The following VKORC1L1 variants were observed in gnomAD, a reference collection of about 807,000 sequenced individuals.
VKORC1L1 encodes the protein vitamin K epoxide reductase complex subunit 1L1, also known as vitamin K epoxide reductase complex subunit 1-like protein 1.
VKORC1L1 carries 2 observed loss-of-function variants against 18.9 expected under a neutral mutation model. The ratio of observed to expected loss-of-function variants is 0.11; its 90% CI spans 0.04 to 0.33. VKORC1L1 has a LOEUF of 0.33. Ranked by LOEUF, VKORC1L1 falls within the 10% of genes least tolerant of loss-of-function variation. VKORC1L1 has a pLI of 1.00. For missense variants in VKORC1L1, 123 were observed against 224.1 expected, an observed-to-expected ratio of 0.55 and a Z score of 2.88; for synonymous variants, 96 against 100.0, an observed-to-expected ratio of 0.96 and a Z score of 0.24.
At chr7:65,933,661 T>C (rs1341055135) in intron 1 of VKORC1L1, among the ~76,000 whole-genome samples, 2 of 152,234 alleles carry the variant, frequency 1.3e-5, no homozygotes, top group Non-Finnish European at 1.5e-5. Context: ...ATGTCTTTTA[T>C]TGGTATATTC....
rs1007950491 is a variant in VKORC1L1, at chr7:65,873,320, G to A, written c.-52G>A. On this transcript the variant is annotated 5_prime_UTR_variant, in exon 1 of 3. Coordinates refer to ENST00000360768, the MANE Select transcript of VKORC1L1 (RefSeq NM_173517.6). Reference sequence around the variant, plus strand: ...GCGGCTGGGTCGGGCCCCGACGGGCGGCGGCGGCTGAGGTGGAGGCGGAGG... The same window carrying A: ...GCGGCTGGGTCGGGCCCCGACGGGCAGCGGCGGCTGAGGTGGAGGCGGAGG... 30 of 1,335,410 alleles carry A rather than the reference G, an allele frequency of 2.2e-5. No homozygotes were observed. The highest frequency in any genetic ancestry group is 2.8e-5 in the Non-Finnish European group (29 of 1,031,422). The allele number at this position is 1,335,410 out of a possible 1,614,324, so 82.7% of individuals were successfully genotyped here. A position where few individuals can be genotyped will look rare whatever the true frequency, so the allele number is the denominator to read the frequency against.
At chr7:65,916,789 G>A (rs1789596612) in intron 1 of VKORC1L1, among the ~76,000 whole-genome samples, 1 of 151,924 alleles carries the variant, frequency 6.6e-6, no homozygotes, top group Admixed American at 6.6e-5. Context: ...GTAGAAACGG[G>A]GTTTCTCCAT....
At chr7:65,917,653 C>T (rs960671425) in intron 1 of VKORC1L1, among the ~76,000 whole-genome samples, 2 of 152,088 alleles carry the variant, frequency 1.3e-5, no homozygotes, top group Admixed American at 6.6e-5. Flanking sequence ...CAGATTCTAC[C>T]ATTAACATTT....
chr7:65,883,584 C>T (rs904221170), intron 1 of VKORC1L1, among the ~76,000 whole-genome samples: 3 of 152,178 alleles, frequency 2.0e-5, no homozygotes, highest in Admixed American at 1.3e-4. Context: ...ACTGCAACCT[C>T]TGCCTTCCAG....
At chr7:65,949,740 C>T (rs1290672206) in intron 2 of VKORC1L1, among the ~76,000 whole-genome samples, 3 of 152,118 alleles carry the variant, frequency 2.0e-5, no homozygotes, top group African/African-American at 7.2e-5. Context: ...GCCGAGATCA[C>T]ACCACTGCAC....
intron 1 of VKORC1L1, 31 bp from the exon 2 acceptor site, chr7:65,948,640 T>TA: frequency 1.3e-6 from 1 of 777,238 alleles, no homozygotes; most frequent in Non-Finnish European, 2.0e-6. Context: ...GAAATTCAAA[T>TA]ATAGGGTTAC....
At chr7:65,907,361 C>G (rs1039609916) in intron 1 of VKORC1L1, among the ~76,000 whole-genome samples, 1 of 152,064 alleles carries the variant, frequency 6.6e-6, no homozygotes, top group African/African-American at 2.4e-5. Flanking sequence ...CGCTTAGAAC[C>G]CGGGAGTCGG....
intron 1 of VKORC1L1, among the ~76,000 whole-genome samples, chr7:65,948,096 C>T (rs1790152468): frequency 6.6e-6 from 1 of 152,186 alleles, no homozygotes; most frequent in South Asian, 2.1e-4. Context: ...AATAGCACAA[C>T]TTACATTCTA....
chr7:65,958,087 C>G lies in VKORC1L1; in HGVS notation c.*3787C>G, dbSNP rs1790329307. ...GCAATTTCTGTCCTCGTGTCTTTTT[C>G]TCTAACACACAGTCATGGGTGAAAC... is the stretch of plus-strand genomic sequence containing the variant. On this transcript the variant is annotated 3_prime_UTR_variant, in exon 3 of 3. Coordinates refer to ENST00000360768, the MANE Select transcript of VKORC1L1 (RefSeq NM_173517.6). The G allele has an allele frequency of 6.6e-6, 1 of 152,280 alleles. No individual in the cohort carries two copies. Among genetic ancestry groups the G allele is most frequent in the East Asian group, 1.9e-4 (1 of 5,180 alleles). The allele number at this position is 152,280 out of a possible 1,614,324, so 9.4% of individuals were successfully genotyped here. A position where few individuals can be genotyped will look rare whatever the true frequency, so the allele number is the denominator to read the frequency against.
intron 1 of VKORC1L1, among the ~76,000 whole-genome samples, chr7:65,895,785 G>T (rs1326923776): frequency 6.6e-6 from 1 of 150,652 alleles, no homozygotes; most frequent in African/African-American, 2.4e-5. Flanking sequence ...AATGTTTTAT[G>T]TGGTCAACAG....
At position 65,954,339 on chromosome 7, in the gene VKORC1L1, T is replaced by C; in HGVS notation, c.*39T>C. On this transcript the variant is annotated 3_prime_UTR_variant, in exon 3 of 3. Transcript: ENST00000360768. ...CCACCCTAACAGTCTCAAGCCCCTTTCCATTCAGTTTATTTTGCAGCAGGT... is the reference window on the plus strand; with the variant it reads ...CCACCCTAACAGTCTCAAGCCCCTTCCCATTCAGTTTATTTTGCAGCAGGT... 1 of 1,607,784 alleles carries C rather than the reference T, an allele frequency of 6.2e-7. No homozygotes were observed. Among genetic ancestry groups the C allele is most frequent in the Non-Finnish European group, 8.5e-7 (1 of 1,177,146 alleles).
chr7:65,870,932 A>G (rs1177954512), upstream of VKORC1L1, among the ~76,000 whole-genome samples: 1 of 152,096 alleles, frequency 6.6e-6, no homozygotes, highest in Non-Finnish European at 1.5e-5. Flanking sequence ...AACAACAGGC[A>G]TGCACCACAC....
intron 1 of VKORC1L1, among the ~76,000 whole-genome samples, chr7:65,922,534 T>G (rs1583850779): frequency 6.6e-6 from 1 of 152,240 alleles, no homozygotes; most frequent in East Asian, 1.9e-4. Flanking sequence ...TCTGCCCGCC[T>G]CAGCCTCCCA....
At chr7:65,866,767 A>G in the VKORC1L1 span, among the ~76,000 whole-genome samples, 4 of 152,110 alleles carry the variant, frequency 2.6e-5, no homozygotes, top group African/African-American at 7.2e-5. Context: ...AAAGAAATCA[A>G]TTGGGTACGG....
intron 1 of VKORC1L1, among the ~76,000 whole-genome samples, chr7:65,901,362 G>GCAA (rs1789312473): frequency 6.6e-6 from 1 of 152,110 alleles, no homozygotes; most frequent in African/African-American, 2.4e-5. Flanking sequence ...TCTCAAAACA[G>GCAA]CAACAACAAC....
intron 1 of VKORC1L1, among the ~76,000 whole-genome samples, chr7:65,923,898 A>G (rs1299885751): frequency 6.6e-6 from 1 of 152,222 alleles, no homozygotes. Flanking sequence ...GGTTCATGTG[A>G]TGATCGGTGA....
chr7:65,868,203 CT>C (rs1788685973), upstream of VKORC1L1, among the ~76,000 whole-genome samples: 1 of 152,106 alleles, frequency 6.6e-6, no homozygotes, highest in Non-Finnish European at 1.5e-5. Flanking sequence ...CACCTGTAAC[CT>C]TGCACTTTGA....
chr7:65,894,991 A>G lies in VKORC1L1; in HGVS notation c.194+21426A>G, dbSNP rs557497890. ...ATAAAAGAATTGAATAAATGCTAAAACATATTTTGTTCTTGAACAGGATAG... is the reference window on the plus strand; with the variant it reads ...ATAAAAGAATTGAATAAATGCTAAAGCATATTTTGTTCTTGAACAGGATAG... On this transcript the variant is annotated intron_variant, in intron 1 of 2. Transcript: ENST00000360768. Among the ~76,000 whole-genome samples the G allele has an allele frequency of 2.0e-5, 3 of 152,356 alleles. No individual in the cohort carries two copies. The East Asian group carries it at 5.8e-4, about 29-fold the overall frequency.
At chr7:65,919,791 C>T (rs1789646395) in intron 1 of VKORC1L1, among the ~76,000 whole-genome samples, 1 of 152,138 alleles carries the variant, frequency 6.6e-6, no homozygotes, top group South Asian at 2.1e-4. Context: ...GGCGCGGTGG[C>T]TCATGCCTGT....
Sources: allele counts gnomAD v4.1 joint callset (sites outside exome capture counted in the v4.1 genomes callset), GRCh38; gene constraint gnomAD v4.1.1; transcripts MANE v1.5; gene names NCBI Gene and HGNC (gene_info 2026-07-23, HGNC 2026-07-21).